RALYL: variants seen among roughly 807,000 people sequenced by gnomAD.
RALYL encodes the protein RALY RNA binding protein like, also known as RNA-binding Raly-like protein.
A neutral mutation model predicts 35.1 loss-of-function variants in RALYL; 29 were observed. The ratio of observed to expected loss-of-function variants is 0.83; its 90% CI spans 0.61 to 1.13. The LOEUF is 1.13. RALYL is among the 50% of genes most tolerant of loss of function. The pLI is 0.00. For missense variants in RALYL, 359 were observed against 360.4 expected, an observed-to-expected ratio of 1.00 and a Z score of 0.03; for synonymous variants, 120 against 127.6, an observed-to-expected ratio of 0.94 and a Z score of 0.40.
chr8:84,606,302 G>A (rs1346195318), intron 2 of RALYL, among the ~76,000 whole-genome samples: 1 of 152,090 alleles, frequency 6.6e-6, no homozygotes, highest in East Asian at 1.9e-4. Flanking sequence ...GAAATTGAAT[G>A]AATCGTTTTC....
At chr8:84,612,020 G>A (rs1343045466) in intron 2 of RALYL, among the ~76,000 whole-genome samples, 1 of 151,542 alleles carries the variant, frequency 6.6e-6, no homozygotes, top group African/African-American at 2.4e-5. Context: ...TTTTGTATTT[G>A]TATTTGTCTT....
intron 2 of RALYL, among the ~76,000 whole-genome samples, chr8:84,717,362 A>G (rs1299835667): frequency 1.3e-5 from 2 of 152,178 alleles, no homozygotes; most frequent in African/African-American, 4.8e-5. Context: ...TAACATAGTC[A>G]TTTGTTTGGG....
intron 2 of RALYL, among the ~76,000 whole-genome samples, chr8:84,688,689 C>T (rs528276847): frequency 1.3e-5 from 2 of 152,068 alleles, no homozygotes; most frequent in East Asian, 1.9e-4. Flanking sequence ...ACTATAACCC[C>T]AAAAGCAAAG....
chr8:84,852,152 G>A (rs1029481319), intron 5 of RALYL, among the ~76,000 whole-genome samples: 1 of 152,144 alleles, frequency 6.6e-6, no homozygotes, highest in African/African-American at 2.4e-5. Flanking sequence ...GCACAATGGG[G>A]AGGGCAATAT....
At chr8:84,856,554 A>C (rs977731489) in intron 5 of RALYL, among the ~76,000 whole-genome samples, 1 of 152,200 alleles carries the variant, frequency 6.6e-6, no homozygotes, top group Non-Finnish European at 1.5e-5. Context: ...ATTTAATAAC[A>C]AAAAAGATCA....
intron 1 of RALYL, among the ~76,000 whole-genome samples, chr8:84,439,231 T>C (rs1423276012): frequency 1.3e-5 from 2 of 152,174 alleles, no homozygotes; most frequent in Non-Finnish European, 2.9e-5. Context: ...GGAATGTTTG[T>C]CGATTTGTTT....
chr8:84,846,281 T>C (rs1834645411), intron 4 of RALYL, among the ~76,000 whole-genome samples: 1 of 151,986 alleles, frequency 6.6e-6, no homozygotes, highest in Admixed American at 6.6e-5. Flanking sequence ...GAACAAGGAG[T>C]GTTTTTCTAT....
chr8:84,194,391 T>C (rs1814711110), intron 1 of RALYL, among the ~76,000 whole-genome samples: 1 of 152,182 alleles, frequency 6.6e-6, no homozygotes, highest in Non-Finnish European at 1.5e-5. Context: ...GTCCTTTCTT[T>C]GGAACATTTT....
intron 1 of RALYL, among the ~76,000 whole-genome samples, chr8:84,496,123 C>G (rs935989149): frequency 7.9e-5 from 12 of 151,820 alleles, no homozygotes; most frequent in Non-Finnish European, 1.8e-4. Context: ...TCATGGTATC[C>G]TAGAGGTTTT....
chr8:84,802,053 A>AT (rs1563635821), intron 3 of RALYL, among the ~76,000 whole-genome samples: 1 of 152,168 alleles, frequency 6.6e-6, no homozygotes, highest in Non-Finnish European at 1.5e-5. Context: ...TACTTTTTCT[A>AT]TAAAGGCCAC....
chr8:84,587,942 G>C (rs974476149), intron 2 of RALYL, among the ~76,000 whole-genome samples: 1 of 152,176 alleles, frequency 6.6e-6, no homozygotes, highest in Non-Finnish European at 1.5e-5. Context: ...GATGGTAGCA[G>C]AGTGCTGTGG....
At chr8:84,341,865 G>A (rs1473815869) in intron 1 of RALYL, among the ~76,000 whole-genome samples, 1 of 151,856 alleles carries the variant, frequency 6.6e-6, no homozygotes, top group African/African-American at 2.4e-5. Flanking sequence ...TCATTTGAGA[G>A]TTATGGAGAA....
chr8:84,863,212 A>G (rs1319656831), intron 6 of RALYL, among the ~76,000 whole-genome samples: 1 of 152,236 alleles, frequency 6.6e-6, no homozygotes, highest in African/African-American at 2.4e-5. Context: ...AGTTGAGAAC[A>G]CTATATTTCA....
At chr8:84,513,614 T>C (rs2057802374) in intron 1 of RALYL, among the ~76,000 whole-genome samples, 1 of 152,188 alleles carries the variant, frequency 6.6e-6, no homozygotes, top group Non-Finnish European at 1.5e-5. Flanking sequence ...TTAATTAACA[T>C]TTGTAACTTT....
intron 1 of RALYL, among the ~76,000 whole-genome samples, chr8:84,328,588 A>G (rs1846252767): frequency 2.6e-5 from 4 of 152,176 alleles, no homozygotes; most frequent in Admixed American, 2.6e-4. Flanking sequence ...CCAGCTTATT[A>G]TAGAGTTTTA....
In RALYL at chr8:84,674,609, T is replaced by G. The variant is rs190203312; in HGVS notation, c.257-99970T>G. On this transcript the variant is annotated intron_variant, in intron 2 of 8. Coordinates refer to ENST00000521268, the MANE Select transcript of RALYL (RefSeq NM_173848.7). Reference sequence around the variant, plus strand: ...GGCCAAGATGTACACTCTGGATGATTACACAGTACTTTAAAAGTACTTCAA... The same window carrying G: ...GGCCAAGATGTACACTCTGGATGATGACACAGTACTTTAAAAGTACTTCAA... 4.9e-4 allele frequency among the ~76,000 whole-genome samples: 75 copies of G among 152,318 alleles called. 1 individual carries two copies. The highest frequency in any genetic ancestry group is 9.0e-4 in the Non-Finnish European group (61 of 68,014).
Position 84,426,434 on chromosome 8 carries a change from C to CTGTGTGTGTG in RALYL, c.-23-102864_-23-102863insGTGTGTGTGT, listed in dbSNP as rs1310031203. Reference sequence around the variant, plus strand: ...AACTACTCTTTTGCGTTCTCTCTCTCTCTCTGTGTGTGTGTGTGTGTGTGT... The same window carrying CTGTGTGTGTG: ...AACTACTCTTTTGCGTTCTCTCTCTCTGTGTGTGTGTCTCTGTGTGTGTGTGTGTGTGTGT... On this transcript the variant is annotated intron_variant, in intron 1 of 8. Transcript: ENST00000521268. 1.5e-4 allele frequency among the ~76,000 whole-genome samples: 10 copies of CTGTGTGTGTG among 64,740 alleles called. No individual in the cohort carries two copies. In the East Asian group the frequency reaches 2.7e-3, roughly 17 times the overall value. 42.5% of individuals were successfully genotyped at this position (64,740 alleles called of 152,430 possible). A position where few individuals can be genotyped will look rare whatever the true frequency, so the allele number is the denominator to read the frequency against.
At chr8:84,778,793 G>A (rs577129721) in intron 3 of RALYL, among the ~76,000 whole-genome samples, 1 of 152,290 alleles carries the variant, frequency 6.6e-6, no homozygotes, top group Non-Finnish European at 1.5e-5. Flanking sequence ...TCGGAAATGG[G>A]GTGTGAGGAG....
At chr8:84,878,716 C>T (rs1841651450) in intron 7 of RALYL, among the ~76,000 whole-genome samples, 1 of 146,050 alleles carries the variant, frequency 6.8e-6, no homozygotes, top group Admixed American at 6.8e-5. Context: ...TATAAATTAA[C>T]ATATGATAGC....
Sources: allele counts gnomAD v4.1 joint callset (sites outside exome capture counted in the v4.1 genomes callset), GRCh38; gene constraint gnomAD v4.1.1; transcripts MANE v1.5; gene names NCBI Gene and HGNC (gene_info 2026-07-23, HGNC 2026-07-21).